Variants in CAMK1D observed in about 807,000 individuals in gnomAD.
CAMK1D encodes calcium/calmodulin-dependent protein kinase type 1D.
In CAMK1D, 9 loss-of-function variants were observed where a neutral mutation model predicts 47.7. The ratio of observed to expected loss-of-function variants is 0.19; its 90% CI spans 0.11 to 0.33. CAMK1D has a LOEUF of 0.33. Ranked by LOEUF, CAMK1D falls within the 10% of genes least tolerant of loss-of-function variation. The probability of loss-of-function intolerance (pLI) is 1.00; values close to 1 mark genes in which losing one functional copy is unlikely to be tolerated. For synonymous variants in CAMK1D, 184 were observed against 184.9 expected, an observed-to-expected ratio of 0.99 and a Z score of 0.04; for missense variants, 291 against 488.7, an observed-to-expected ratio of 0.60 and a Z score of 3.81.
At chr10:12,633,521 C>G (rs910336094) in intron 2 of CAMK1D, among the ~76,000 whole-genome samples, 1 of 152,162 alleles carries the variant, frequency 6.6e-6, no homozygotes, top group African/African-American at 2.4e-5. Flanking sequence ...GCTGTAGATA[C>G]TCGGTTCCGA....
At chr10:12,591,173 A>T (rs1054722194) in intron 2 of CAMK1D, among the ~76,000 whole-genome samples, 1 of 152,140 alleles carries the variant, frequency 6.6e-6, no homozygotes, top group African/African-American at 2.4e-5. Flanking sequence ...GAGATTGATT[A>T]TTCTAGTGGG....
rs577197069 is a variant in CAMK1D, at chr10:12,807,953, C to G, written c.642-6242C>G. Among the ~76,000 whole-genome samples the G allele has an allele frequency of 3.9e-5, 6 of 152,360 alleles. No homozygotes were observed. The East Asian group carries it at 1.2e-3, about 29-fold the overall frequency. ...TTCCTTCTACCTGCAAGATAGACCA[C>G]CCACCTTAGGGTGGGGAATACAGCC... On this transcript the variant is annotated intron_variant, in intron 6 of 10. Coordinates refer to ENST00000619168, the MANE Select transcript of CAMK1D (RefSeq NM_153498.4).
intron 1 of CAMK1D, among the ~76,000 whole-genome samples, chr10:12,396,309 A>G (rs1410867887): frequency 6.6e-6 from 1 of 152,172 alleles, no homozygotes; most frequent in African/African-American, 2.4e-5. Context: ...TTGTGTCCGC[A>G]TCATTGTCCA....
intron 3 of CAMK1D, among the ~76,000 whole-genome samples, chr10:12,714,675 C>G (rs1009170001): frequency 2.6e-5 from 4 of 151,842 alleles, no homozygotes; most frequent in African/African-American, 9.7e-5. Flanking sequence ...GCCGAGATCA[C>G]GCCACTGCAC....
At chr10:12,680,125 G>T (rs1840942279) in intron 3 of CAMK1D, among the ~76,000 whole-genome samples, 1 of 152,254 alleles carries the variant, frequency 6.6e-6, no homozygotes, top group African/African-American at 2.4e-5. Context: ...CCATGGGAGA[G>T]ATGAGGCTAG....
chr10:12,606,892 G>A (rs1238900382), intron 2 of CAMK1D, among the ~76,000 whole-genome samples: 3 of 151,948 alleles, frequency 2.0e-5, no homozygotes, highest in African/African-American at 7.3e-5. Flanking sequence ...CCGTGGCGCA[G>A]TCTCAGCTCA....
chr10:12,761,425 G>A (rs73574094), intron 4 of CAMK1D, among the ~76,000 whole-genome samples: 4,680 of 152,156 alleles, frequency 0.031, 236 homozygotes, highest in African/African-American at 0.11. Context: ...CCCTCCTCCC[G>A]GTGCAGTTCC....
intron 4 of CAMK1D, among the ~76,000 whole-genome samples, chr10:12,763,063 A>T (rs571160972): frequency 1.3e-5 from 2 of 152,322 alleles, no homozygotes; most frequent in South Asian, 4.1e-4. Flanking sequence ...ATGGGAGATA[A>T]TGTTTTTAAT....
At chr10:12,390,912 T>A (rs2131890273) in intron 1 of CAMK1D, among the ~76,000 whole-genome samples, 1 of 152,170 alleles carries the variant, frequency 6.6e-6, no homozygotes, top group East Asian at 1.9e-4. Flanking sequence ...AAGAGGATGC[T>A]GTGCATAGTC....
intron 3 of CAMK1D, among the ~76,000 whole-genome samples, chr10:12,714,877 G>T (rs900667800): frequency 6.6e-6 from 1 of 150,796 alleles, no homozygotes; most frequent in Non-Finnish European, 1.5e-5. Flanking sequence ...TATTTATGGG[G>T]TATATGTGAT....
chr10:12,489,005 G>T (rs915813385), intron 1 of CAMK1D, among the ~76,000 whole-genome samples: 4 of 151,498 alleles, frequency 2.6e-5, no homozygotes, highest in African/African-American at 9.7e-5. Flanking sequence ...GTGTGATCTC[G>T]GCTCACTGCA....
At chr10:12,596,668 T>G (rs527719839) in intron 2 of CAMK1D, among the ~76,000 whole-genome samples, 2 of 152,088 alleles carry the variant, frequency 1.3e-5, no homozygotes, top group Non-Finnish European at 2.9e-5. Context: ...TCTGAAATCA[T>G]GGTTTCTGGG....
chr10:12,702,743 C>G (rs1028927100), intron 3 of CAMK1D, among the ~76,000 whole-genome samples: 4 of 152,158 alleles, frequency 2.6e-5, no homozygotes, highest in Non-Finnish European at 4.4e-5. Flanking sequence ...TATTTAAGTC[C>G]AGGCCATCTG....
At chr10:12,456,789 A>AAAAAAC (rs1564351143) in intron 1 of CAMK1D, among the ~76,000 whole-genome samples, 15 of 150,154 alleles carry the variant, frequency 1.0e-4, no homozygotes, top group South Asian at 2.1e-4. Flanking sequence ...AAAAAAAAAA[A>AAAAAAC]TCTCTACCTT....
intron 1 of CAMK1D, among the ~76,000 whole-genome samples, chr10:12,433,819 C>T (rs919672045): frequency 2.0e-5 from 3 of 152,238 alleles, no homozygotes; most frequent in African/African-American, 7.2e-5. Context: ...GTTTGCCAAA[C>T]CCTCACTTTG....
intron 1 of CAMK1D, among the ~76,000 whole-genome samples, chr10:12,358,841 A>G (rs1027204030): frequency 2.6e-5 from 4 of 152,114 alleles, no homozygotes; most frequent in Non-Finnish European, 5.9e-5. Context: ...AGCTGTAGTT[A>G]CCTCCAGCAG....
At chr10:12,368,743 CAAAA>C (rs566501661) in intron 1 of CAMK1D, among the ~76,000 whole-genome samples, 1 of 124,406 alleles carries the variant, frequency 8.0e-6, no homozygotes. Context: ...GACCCTGTCT[CAAAA>C]AAAAAAAAAA....
rs1840156427 is a variant in CAMK1D at position 12,657,643 on chromosome 10, G to C, written c.225-9093G>C. 2.0e-5 allele frequency among the ~76,000 whole-genome samples: 3 copies of C among 152,144 alleles called. No individual in the cohort carries two copies. The South Asian group carries it at 6.2e-4, about 32-fold the overall frequency. ...AAAGTAGTCACTTGAATCATTTTCT[G>C]TGTTCTGTGGTTCAGATGAAGAGCC... On this transcript the variant is annotated intron_variant, in intron 2 of 10. Coordinates refer to ENST00000619168, the MANE Select transcript of CAMK1D (RefSeq NM_153498.4).
rs571912414 is a variant in CAMK1D at position 12,412,693 on chromosome 10, C to CAAA, written c.92+62801_92+62803dup. ...CTGGGCAACAAGAGTGAGACGCCAT[C>CAAA]AAAAAAAAAAAAAAAAAAAAGAGTG... is the stretch of plus-strand genomic sequence containing the variant. On this transcript the variant is annotated intron_variant, in intron 1 of 10. Transcript: ENST00000619168. Among the ~76,000 whole-genome samples the CAAA allele has an allele frequency of 2.4e-3, 108 of 45,146 alleles. 7 individuals carry two copies. The highest frequency in any genetic ancestry group is 6.6e-3 in the African/African-American group (77 of 11,650). 29.6% of individuals were successfully genotyped at this position (45,146 alleles called of 152,430 possible). A position where few individuals can be genotyped will look rare whatever the true frequency, so the allele number is the denominator to read the frequency against.
Sources: gnomAD v4.1 joint callset for allele counts (sites outside exome capture counted in the v4.1 genomes callset) on GRCh38, gnomAD v4.1.1 for gene constraint, MANE v1.5 for transcripts, NCBI Gene and HGNC (gene_info 2026-07-23, HGNC 2026-07-21) for gene names.